The following NEO1 variants were observed in gnomAD, a reference collection of about 807,000 sequenced individuals.
NEO1 encodes the protein neogenin.
A neutral mutation model predicts 159.7 loss-of-function variants in NEO1; 63 were observed. The ratio of observed to expected loss-of-function variants is 0.39; its 90% CI spans 0.32 to 0.49. NEO1 has a LOEUF of 0.49. Among genes scored for constraint, NEO1 ranks in the 20% least tolerant of loss-of-function variants. The pLI is 0.85. For missense variants in NEO1, 1,615 were observed against 1,831.0 expected, an observed-to-expected ratio of 0.88 and a Z score of 2.15; for synonymous variants, 633 against 662.0, an observed-to-expected ratio of 0.96 and a Z score of 0.67.
intron 7 of NEO1, among the ~76,000 whole-genome samples, chr15:73,212,953 A>G (rs905834870): frequency 2.0e-5 from 3 of 152,218 alleles, no homozygotes; most frequent in Non-Finnish European, 4.4e-5. Flanking sequence ...TGTGTATATA[A>G]AAGTGTGTCA....
chr15:73,244,981 A>AAAAAAAAC (rs1426485832), intron 9 of NEO1, among the ~76,000 whole-genome samples: 2 of 148,112 alleles, frequency 1.4e-5, no homozygotes, highest in African/African-American at 2.5e-5. Context: ...AAAAAAAAAA[A>AAAAAAAAC]AACAACAGCA....
chr15:73,205,497 C>T (rs762195026), intron 7 of NEO1, among the ~76,000 whole-genome samples: 2 of 152,218 alleles, frequency 1.3e-5, no homozygotes, highest in African/African-American at 2.4e-5. Context: ...TTGGAATCCT[C>T]GTGATGACAA....
intron 1 of NEO1, among the ~76,000 whole-genome samples, chr15:73,085,205 C>T (rs1202837360): frequency 6.6e-6 from 1 of 152,264 alleles, no homozygotes; most frequent in South Asian, 2.1e-4. Context: ...TTTCCCTTTT[C>T]CGGGCATAAA....
At position 73,244,454 on chromosome 15, in the gene NEO1, C is replaced by T; in HGVS notation, c.1562C>T (p.Ser521Leu). 1 of 1,613,914 alleles carries T rather than the reference C, an allele frequency of 6.2e-7. No homozygotes were observed. The highest frequency in any genetic ancestry group is 8.5e-7 in the Non-Finnish European group (1 of 1,179,914). ...FRVMAQNKHG[S>L]GESSAPLRVE... is the part of the protein sequence containing the mutation. ...GTTATGGCTCAAAATAAGCATGGCT[C>T]AGGAGAGAGTTCAGCTCCACTGCGA... The change falls in exon 9 of 29, where the codon TCA becomes TTA. Residue 521 changes from serine to leucine, a missense_variant. Physicochemically the swap from Ser to Leu is moderately radical, Grantham distance 145. Coordinates refer to ENST00000261908, the MANE Select transcript of NEO1 (RefSeq NM_002499.4).
intron 5 of NEO1, among the ~76,000 whole-genome samples, chr15:73,144,409 C>T (rs2032705416): frequency 6.6e-6 from 1 of 152,206 alleles, no homozygotes; most frequent in Non-Finnish European, 1.5e-5. Context: ...TTATTACTGT[C>T]ATGATTCAAA....
chr15:73,120,631 C>G (rs1299973817), intron 2 of NEO1, among the ~76,000 whole-genome samples: 2 of 143,592 alleles, frequency 1.4e-5, no homozygotes, highest in East Asian at 4.0e-4. Context: ...ATTTTAAGTA[C>G]TTTTTTTTTT....
At chr15:73,267,703 A>G (rs577934524) in intron 16 of NEO1, among the ~76,000 whole-genome samples, 2 of 151,972 alleles carry the variant, frequency 1.3e-5, no homozygotes, top group East Asian at 3.9e-4. Context: ...CCATGTCCCT[A>G]CAAAGGACAT....
chr15:73,123,029 C>T (rs1168918619), intron 3 of NEO1, among the ~76,000 whole-genome samples: 4 of 151,776 alleles, frequency 2.6e-5, no homozygotes, highest in Non-Finnish European at 4.4e-5. Context: ...TGGTGGCAGG[C>T]GCTTATAACT....
intron 4 of NEO1, among the ~76,000 whole-genome samples, chr15:73,135,642 A>T (rs1376577841): frequency 6.6e-6 from 1 of 152,184 alleles, no homozygotes; most frequent in Non-Finnish European, 1.5e-5. Context: ...TTTGGAAATA[A>T]CTAGAAGTGT....
intron 7 of NEO1, among the ~76,000 whole-genome samples, chr15:73,234,783 G>C (rs1240272519): frequency 6.6e-6 from 1 of 152,080 alleles, no homozygotes; most frequent in Non-Finnish European, 1.5e-5. Context: ...TTTGTGATTT[G>C]CACAAGAACT....
intron 2 of NEO1, among the ~76,000 whole-genome samples, chr15:73,120,550 A>G (rs1354443698): frequency 2.0e-5 from 3 of 151,940 alleles, no homozygotes; most frequent in South Asian, 2.1e-4. Flanking sequence ...TATTCTGAGC[A>G]TAGCAATCAC....
intron 7 of NEO1, among the ~76,000 whole-genome samples, chr15:73,201,477 C>T (rs1480318092): frequency 2.0e-5 from 3 of 151,736 alleles, no homozygotes; most frequent in Admixed American, 2.0e-4. Flanking sequence ...ATTTTATGTC[C>T]CAGATGTTGT....
intron 15 of NEO1, among the ~76,000 whole-genome samples, chr15:73,265,688 A>G (rs2040853320): frequency 6.6e-6 from 1 of 152,142 alleles, no homozygotes; most frequent in African/African-American, 2.4e-5. Flanking sequence ...GTTAGTTCTG[A>G]CACAGGAAGA....
chr15:73,203,186 G>GT (rs1381292877), intron 7 of NEO1, among the ~76,000 whole-genome samples: 2 of 152,102 alleles, frequency 1.3e-5, no homozygotes, highest in Admixed American at 1.3e-4. Context: ...CTTTTATACT[G>GT]TTTTCACAGT....
At chr15:73,068,864 T>C (rs1328756647) in intron 1 of NEO1, among the ~76,000 whole-genome samples, 1 of 152,162 alleles carries the variant, frequency 6.6e-6, no homozygotes, top group Non-Finnish European at 1.5e-5. Context: ...TTTTAACTTT[T>C]ATGTACATTT....
In NEO1 at chr15:73,276,630, T is replaced by C. The variant is rs144277352; in HGVS notation, c.3194-1501T>C. The stretch of plus-strand genomic sequence containing the variant: ...ATCCAGGAACTCCTGTTACCTTCTT[T>C]TGGTAGGTTTTCAGTTTCTGGAAGC... On this transcript the variant is annotated intron_variant, in intron 21 of 28. Coordinates refer to ENST00000261908, the MANE Select transcript of NEO1 (RefSeq NM_002499.4). Among the ~76,000 whole-genome samples, 43 of 152,328 alleles carry C rather than the reference T, an allele frequency of 2.8e-4. No homozygotes were observed. The East Asian group carries it at 7.5e-3, about 27-fold the overall frequency.
intron 23 of NEO1, among the ~76,000 whole-genome samples, chr15:73,284,357 C>A (rs935845241): frequency 1.3e-5 from 2 of 152,176 alleles, no homozygotes; most frequent in Non-Finnish European, 2.9e-5. Context: ...ATTTAATAAT[C>A]ATAAATTTGT....
intron 11 of NEO1, among the ~76,000 whole-genome samples, chr15:73,253,176 G>A (rs1407716055): frequency 6.6e-6 from 1 of 152,070 alleles, no homozygotes; most frequent in Non-Finnish European, 1.5e-5. Context: ...GGGTGTAGGT[G>A]CTTTCCCATA....
At chr15:73,276,336 C>G (rs1221271825) in intron 21 of NEO1, among the ~76,000 whole-genome samples, 1 of 152,196 alleles carries the variant, frequency 6.6e-6, no homozygotes, top group African/African-American at 2.4e-5. Flanking sequence ...GGTACATAAT[C>G]CAATGCTCTG....
Sources: allele counts gnomAD v4.1 joint callset (sites outside exome capture counted in the v4.1 genomes callset), GRCh38; gene constraint gnomAD v4.1.1; transcripts MANE v1.5; gene names NCBI Gene and HGNC (gene_info 2026-07-23, HGNC 2026-07-21).